The following SLC25A26 variants were observed in gnomAD, a reference collection of about 807,000 sequenced individuals.
SLC25A26 encodes solute carrier family 25 member 26, also known as mitochondrial S-adenosylmethionine carrier protein.
Under a neutral mutation model 37.8 loss-of-function variants are expected in SLC25A26, and 36 were observed. The observed-to-expected ratio is 0.95, with a 90% confidence interval of 0.73 to 1.26. The LOEUF (loss-of-function observed/expected upper bound fraction) is 1.26, where lower values mean the gene tolerates loss of function less well. SLC25A26 is among the 50% of genes most tolerant of loss of function. The probability of loss-of-function intolerance (pLI) is 0.00; values close to 1 mark genes in which losing one functional copy is unlikely to be tolerated. For synonymous variants in SLC25A26, 129 were observed against 122.5 expected (o/e 1.05, Z -0.35); for missense variants, 390 against 331.1 (o/e 1.18, Z -1.38).
chr3:66,367,053 T>TA (rs1197708458), intron 7 of SLC25A26, among the ~76,000 whole-genome samples: 1 of 152,222 alleles, frequency 6.6e-6, no homozygotes, highest in African/African-American at 2.4e-5. Context: ...TTTCAGTTTA[T>TA]AAAAACTATA....
At chr3:66,348,171 A>G (rs1009312544) in intron 6 of SLC25A26, among the ~76,000 whole-genome samples, 3 of 152,230 alleles carry the variant, frequency 2.0e-5, no homozygotes, top group East Asian at 1.9e-4. Flanking sequence ...TAAAAAGCCT[A>G]CATTCAAAAC....
At chr3:66,168,162 T>A (rs192003459) in intron 1 of SLC25A26, among the ~76,000 whole-genome samples, 1,414 of 68,538 alleles carry the variant, frequency 0.021, 40 homozygotes, top group African/African-American at 0.065. Flanking sequence ...TCAAAAAAAA[T>A]ATATATATAT....
chr3:66,265,497 C>A (rs549200875), intron 5 of SLC25A26, among the ~76,000 whole-genome samples: 2 of 152,270 alleles, frequency 1.3e-5, no homozygotes, highest in African/African-American at 4.8e-5. Flanking sequence ...CATACATCTG[C>A]TCTGCATCTG....
intron 5 of SLC25A26, among the ~76,000 whole-genome samples, chr3:66,304,255 A>G (rs2075154329): frequency 6.6e-6 from 1 of 152,138 alleles, no homozygotes; most frequent in Non-Finnish European, 1.5e-5. Flanking sequence ...TCCACACTGG[A>G]TGGGGGAGGA....
At chr3:66,171,095 G>T (rs139304025) in intron 1 of SLC25A26, among the ~76,000 whole-genome samples, 53,545 of 151,864 alleles carry the variant, frequency 0.35, 9,601 homozygotes, top group Non-Finnish European at 0.38. Context: ...GAGCCACCGC[G>T]CCCGGCCGTG....
intron 3 of SLC25A26, among the ~76,000 whole-genome samples, chr3:66,247,495 A>C (rs1036008206): frequency 6.6e-6 from 1 of 152,090 alleles, no homozygotes; most frequent in Non-Finnish European, 1.5e-5. Context: ...CAATTTTGTA[A>C]AGATGGGGTC....
chr3:66,176,025 AT>A (rs1421851157), intron 1 of SLC25A26, among the ~76,000 whole-genome samples: 4 of 150,296 alleles, frequency 2.7e-5, no homozygotes, highest in South Asian at 4.2e-4. Context: ...TAAAAAAAAA[AT>A]TTCCTTTAAT....
intron 3 of SLC25A26, among the ~76,000 whole-genome samples, chr3:66,256,541 G>T (rs1270969618): frequency 6.6e-6 from 1 of 152,100 alleles, no homozygotes; most frequent in Non-Finnish European, 1.5e-5. Context: ...ATTCTACTCT[G>T]TTTTTTCCCT....
chr3:66,137,182 C>G (rs2069958755), intron 1 of SLC25A26, among the ~76,000 whole-genome samples: 2 of 151,562 alleles, frequency 1.3e-5, no homozygotes, highest in African/African-American at 4.8e-5. Context: ...AGACCTTCAC[C>G]AAACACCAAA....
intron 5 of SLC25A26, among the ~76,000 whole-genome samples, chr3:66,313,753 C>T (rs926218462): frequency 3.3e-5 from 5 of 152,124 alleles, no homozygotes; most frequent in East Asian, 1.9e-4. Flanking sequence ...TATCCATGAG[C>T]GTGGAATGTT....
chr3:66,247,589 C>T (rs1040856379), intron 3 of SLC25A26, among the ~76,000 whole-genome samples: 15 of 152,174 alleles, frequency 9.9e-5, no homozygotes, highest in African/African-American at 3.6e-4. Flanking sequence ...GTAATCCAGA[C>T]ATGAGACACT....
At chr3:66,137,472 C>T (rs778467169) in intron 1 of SLC25A26, among the ~76,000 whole-genome samples, 3 of 152,136 alleles carry the variant, frequency 2.0e-5, no homozygotes, top group Admixed American at 6.5e-5. Flanking sequence ...AGGGGATCCA[C>T]CATCCTTGGC....
At chr3:66,365,997 T>C (rs2076816521) in intron 7 of SLC25A26, among the ~76,000 whole-genome samples, 1 of 152,224 alleles carries the variant, frequency 6.6e-6, no homozygotes. Flanking sequence ...GGAAGGTGGC[T>C]ACTTTGTCTT....
At chr3:66,368,828 G>A (rs1204941584) in intron 7 of SLC25A26, among the ~76,000 whole-genome samples, 1 of 151,998 alleles carries the variant, frequency 6.6e-6, no homozygotes, top group Non-Finnish European at 1.5e-5. Flanking sequence ...GACCAGGCTG[G>A]GCAACAGAGC....
chr3:66,367,059 C>T (rs2076839248), intron 7 of SLC25A26, among the ~76,000 whole-genome samples: 1 of 152,174 alleles, frequency 6.6e-6, no homozygotes, highest in South Asian at 2.1e-4. Flanking sequence ...TTTATAAAAA[C>T]TATAGACCAG....
intron 5 of SLC25A26, among the ~76,000 whole-genome samples, chr3:66,328,325 T>G (rs936539645): frequency 3.3e-5 from 5 of 152,222 alleles, no homozygotes; most frequent in African/African-American, 9.6e-5. Flanking sequence ...ATAACTTGAT[T>G]TAATATGAAA....
At chr3:66,146,858 A>C (rs989728840) in intron 1 of SLC25A26, among the ~76,000 whole-genome samples, 6 of 151,940 alleles carry the variant, frequency 3.9e-5, no homozygotes, top group Non-Finnish European at 8.8e-5. Flanking sequence ...ACTATAGTCC[A>C]TTACATCAGT....
chr3:66,136,260 A>G (rs2069945763), intron 1 of SLC25A26, among the ~76,000 whole-genome samples: 1 of 152,212 alleles, frequency 6.6e-6, no homozygotes, highest in Admixed American at 6.5e-5. Context: ...TGGTTCACTC[A>G]TTAGTAATGA....
intron 1 of SLC25A26, among the ~76,000 whole-genome samples, chr3:66,213,269 C>T (rs1319329513): frequency 6.6e-6 from 1 of 151,534 alleles, no homozygotes; most frequent in Non-Finnish European, 1.5e-5. Context: ...GTGTGGTAGC[C>T]CATACCTGTA....
Sources: allele counts gnomAD v4.1 joint callset (sites outside exome capture counted in the v4.1 genomes callset), GRCh38; gene constraint gnomAD v4.1.1; transcripts MANE v1.5; gene names NCBI Gene and HGNC (gene_info 2026-07-23, HGNC 2026-07-21).